The following MIER1 variants were observed in gnomAD, a reference collection of about 807,000 sequenced individuals.
The protein encoded by MIER1 is MIER1 transcriptional regulator.
A neutral mutation model predicts 75.7 loss-of-function variants in MIER1; 40 were observed. The ratio of observed to expected loss-of-function variants is 0.53; its 90% CI spans 0.41 to 0.69. The LOEUF (loss-of-function observed/expected upper bound fraction) is 0.69, where lower values mean the gene tolerates loss of function less well. Ranked by LOEUF, MIER1 falls within the 30% of genes least tolerant of loss-of-function variation. The probability of loss-of-function intolerance (pLI) is 0.00; values close to 1 mark genes in which losing one functional copy is unlikely to be tolerated. For missense variants in MIER1, 574 were observed against 680.2 expected, an observed-to-expected ratio of 0.84 and a Z score of 1.74; for synonymous variants, 213 against 223.4, an observed-to-expected ratio of 0.95 and a Z score of 0.42.
At chr1:66,955,766 TGGG>T (rs1190622820) in intron 4 of MIER1, among the ~76,000 whole-genome samples, 2 of 152,190 alleles carry the variant, frequency 1.3e-5, no homozygotes, top group South Asian at 2.1e-4. Flanking sequence ...TTTTTCCTTT[TGGG>T]GCCCTTATTC....
intron 12 of MIER1, among the ~76,000 whole-genome samples, chr1:66,979,256 T>C (rs1665415774): frequency 6.6e-6 from 1 of 152,236 alleles, no homozygotes; most frequent in Non-Finnish European, 1.5e-5. Context: ...TTACCATCTC[T>C]TTCTGTTAAT....
At chr1:66,981,652 G>A (rs888824369) in intron 12 of MIER1, 127 bp from the exon 13 acceptor site, 1 of 673,022 alleles carries the variant, frequency 1.5e-6, no homozygotes, top group Non-Finnish European at 2.4e-6. Context: ...TATGATAGAT[G>A]AAGCACTGGA....
At chr1:66,940,335 T>C (rs1655923201) in intron 3 of MIER1, 1 of 281,196 alleles carries the variant, frequency 3.6e-6, no homozygotes. Context: ...TATTATTGTT[T>C]GACTTGTAGT....
intron 6 of MIER1, 150 bp from the exon 7 acceptor site, chr1:66,959,529 G>T: frequency 2.3e-6 from 1 of 433,270 alleles, no homozygotes; most frequent in East Asian, 3.7e-5. Flanking sequence ...TAAGTGATAG[G>T]GTGTTAATTA....
chr1:66,968,682 TATA>T (rs1445552060), intron 8 of MIER1, among the ~76,000 whole-genome samples: 3 of 152,234 alleles, frequency 2.0e-5, no homozygotes, highest in African/African-American at 7.2e-5. Context: ...ATTTGTTAGT[TATA>T]ATAACATTCC....
chr1:66,935,585 T>C (rs1654594748), intron 2 of MIER1, among the ~76,000 whole-genome samples: 1 of 152,182 alleles, frequency 6.6e-6, no homozygotes, highest in Non-Finnish European at 1.5e-5. Context: ...CCAGTGACTT[T>C]CATTTTAAGA....
At position 66,986,060 on chromosome 1, in the gene MIER1, G is replaced by T. The variant is rs1344313981; in HGVS notation, c.*1160G>T. The T allele has an allele frequency of 9.8e-7, 1 of 1,016,860 alleles. No homozygotes were observed. The highest frequency in any genetic ancestry group is 4.3e-5 in the South Asian group (1 of 23,380). The allele number at this position is 1,016,860 out of a possible 1,614,324, so 63.0% of individuals were successfully genotyped here. On this transcript the variant is annotated 3_prime_UTR_variant, in exon 14 of 14. Transcript: ENST00000401041. ...TTCTGCATTAAATAAACAGAGGAGG[G>T]GGGTCAAGTGATACTTAGATATTGG...
chr1:66,934,068 A>G (rs1033586382), intron 2 of MIER1, among the ~76,000 whole-genome samples: 2 of 152,192 alleles, frequency 1.3e-5, no homozygotes, highest in African/African-American at 4.8e-5. Flanking sequence ...ATAACTTATT[A>G]TGTAGGTATG....
chr1:66,928,898 CA>C, intron 2 of MIER1: 1 of 1,604,138 alleles, frequency 6.2e-7, no homozygotes, highest in Non-Finnish European at 8.5e-7. Context: ...AGAAAATGTG[CA>C]TCAGATGTTT....
chr1:66,948,695 C>A (rs898604817), intron 4 of MIER1, among the ~76,000 whole-genome samples: 12 of 152,122 alleles, frequency 7.9e-5, no homozygotes, highest in African/African-American at 2.2e-4. Context: ...GAGGTCAAGA[C>A]CAGCCTGGGC....
intron 2 of MIER1, among the ~76,000 whole-genome samples, chr1:66,929,656 CTG>C (rs1652608402): frequency 6.6e-6 from 1 of 152,190 alleles, no homozygotes; most frequent in Admixed American, 6.5e-5. Context: ...CAGTACATAA[CTG>C]TGTTGCTACC....
intron 3 of MIER1, among the ~76,000 whole-genome samples, chr1:66,942,539 A>G (rs2101351473): frequency 6.6e-6 from 1 of 152,308 alleles, no homozygotes; most frequent in East Asian, 1.9e-4. Flanking sequence ...CTGATGCAAA[A>G]TACTTAATTT....
At chr1:66,983,829 G>A (rs1666371516) in intron 13 of MIER1, among the ~76,000 whole-genome samples, 1 of 152,230 alleles carries the variant, frequency 6.6e-6, no homozygotes, top group Non-Finnish European at 1.5e-5. Flanking sequence ...CTGGGTTCAA[G>A]TGATTCTGCT....
rs1553256041 is a variant in MIER1 at position 66,975,990 on chromosome 1, T to TGTG, written c.1102-605_1102-604insGTG. ...TGAATGCCACTTCCAGGCCTTTTTT[T>TGTG]TGTGTGTGTGTGTGTGAGACTGAGT... On this transcript the variant is annotated intron_variant, in intron 11 of 13. Coordinates refer to ENST00000401041, the MANE Select transcript of MIER1 (RefSeq NM_001077700.3). Among the ~76,000 whole-genome samples the TGTG allele has an allele frequency of 4.7e-4, 71 of 151,754 alleles. No homozygotes were observed. In the South Asian group the frequency reaches 7.1e-3, roughly 15 times the overall value.
chr1:66,953,324 A>G (rs1259641107), intron 4 of MIER1, among the ~76,000 whole-genome samples: 2 of 152,240 alleles, frequency 1.3e-5, no homozygotes, highest in East Asian at 3.9e-4. Flanking sequence ...AGCACAAAGC[A>G]GGAACACAAA....
rs556079181 is a variant in MIER1, at chr1:66,946,547, T to A, written c.339+252T>A. On this transcript the variant is annotated intron_variant, in intron 4 of 13. Coordinates refer to ENST00000401041, the MANE Select transcript of MIER1 (RefSeq NM_001077700.3). ...CATAGACTGTTAAATGATTCTGCTATAAAGGTCTGGTCAAAAATGGACTAT... is the reference window on the plus strand; with the variant it reads ...CATAGACTGTTAAATGATTCTGCTAAAAAGGTCTGGTCAAAAATGGACTAT... 1.9e-5 allele frequency: 22 copies of A among 1,142,566 alleles called. No homozygotes were observed. In the Middle Eastern group the frequency reaches 1.1e-3, roughly 58 times the overall value. The allele number at this position is 1,142,566 out of a possible 1,614,324, so 70.8% of individuals were successfully genotyped here. A position where few individuals can be genotyped will look rare whatever the true frequency, so the allele number is the denominator to read the frequency against.
intron 12 of MIER1, among the ~76,000 whole-genome samples, chr1:66,981,278 G>C (rs956540923): frequency 2.6e-5 from 4 of 152,174 alleles, no homozygotes; most frequent in African/African-American, 9.7e-5. Flanking sequence ...CAGGAATTTA[G>C]TTAGCATCTT....
intron 2 of MIER1, among the ~76,000 whole-genome samples, chr1:66,939,599 TTC>T (rs1486741951): frequency 6.6e-6 from 1 of 152,148 alleles, no homozygotes; most frequent in Non-Finnish European, 1.5e-5. Context: ...CCTAAATTGT[TTC>T]TGTCTCCCAT....
At chr1:66,983,518 A>G (rs1455439145) in intron 13 of MIER1, among the ~76,000 whole-genome samples, 1 of 152,092 alleles carries the variant, frequency 6.6e-6, no homozygotes, top group Non-Finnish European at 1.5e-5. Flanking sequence ...TTTACAGTCA[A>G]CTCTAAAATG....
Sources: gnomAD v4.1 joint callset for allele counts (sites outside exome capture counted in the v4.1 genomes callset) on GRCh38, gnomAD v4.1.1 for gene constraint, MANE v1.5 for transcripts, NCBI Gene and HGNC (gene_info 2026-07-23, HGNC 2026-07-21) for gene names.